Variants in ARB2A observed in about 807,000 individuals in gnomAD.
ARB2A encodes cotranscriptional regulator ARB2A.
the ARB2A span, among the ~76,000 whole-genome samples, chr5:93,634,910 G>T: frequency 6.6e-6 from 1 of 152,090 alleles, no homozygotes; most frequent in African/African-American, 2.4e-5. Flanking sequence ...GAGTAGCTGG[G>T]ATTACAGGTG....
the ARB2A span, among the ~76,000 whole-genome samples, chr5:93,638,777 C>T: frequency 6.6e-6 from 1 of 151,872 alleles, no homozygotes; most frequent in Non-Finnish European, 1.5e-5. Flanking sequence ...TGCGATGAGC[C>T]GAGATTGCAC....
At chr5:93,988,898 C>T in the ARB2A span, among the ~76,000 whole-genome samples, 2 of 152,138 alleles carry the variant, frequency 1.3e-5, no homozygotes, top group Admixed American at 1.3e-4. Context: ...TGGATTCAAA[C>T]CTAGGCAATC....
the ARB2A span, among the ~76,000 whole-genome samples, chr5:93,671,090 G>A: frequency 6.6e-6 from 1 of 151,984 alleles, no homozygotes; most frequent in African/African-American, 2.4e-5. Context: ...CATTAGTAAG[G>A]GAAGCATTAT....
chr5:93,901,146 C>T, the ARB2A span, among the ~76,000 whole-genome samples: 36 of 152,092 alleles, frequency 2.4e-4, no homozygotes, highest in African/African-American at 8.2e-4. Context: ...TTTAGAAATC[C>T]GCAACCACAT....
chr5:93,772,321 G>A, the ARB2A span, among the ~76,000 whole-genome samples: 31 of 152,212 alleles, frequency 2.0e-4, no homozygotes, highest in African/African-American at 5.3e-4. Flanking sequence ...TGGGTGGAGC[G>A]GGGAGGGATA....
chr5:93,994,497 G>T, the ARB2A span, among the ~76,000 whole-genome samples: 1 of 152,288 alleles, frequency 6.6e-6, no homozygotes, highest in East Asian at 1.9e-4. Flanking sequence ...AATGGTGGCT[G>T]CCAGGAGCTG....
chr5:93,723,436 A>G, the ARB2A span, among the ~76,000 whole-genome samples: 394 of 152,218 alleles, frequency 2.6e-3, 4 homozygotes, highest in African/African-American at 9.0e-3. Flanking sequence ...TCTGTTGTGC[A>G]CATGAGGAGC....
the ARB2A span, among the ~76,000 whole-genome samples, chr5:93,946,786 GTTT>G: frequency 6.6e-6 from 1 of 152,060 alleles, no homozygotes; most frequent in African/African-American, 2.4e-5. Context: ...ATGAATCACA[GTTT>G]TATTCTAATA....
At chr5:93,940,888 T>A in the ARB2A span, among the ~76,000 whole-genome samples, 2 of 152,062 alleles carry the variant, frequency 1.3e-5, no homozygotes, top group African/African-American at 4.8e-5. Flanking sequence ...TCAGTTCTTC[T>A]CAAATTAAAG....
At chr5:94,073,805 T>C in the ARB2A span, among the ~76,000 whole-genome samples, 5 of 152,106 alleles carry the variant, frequency 3.3e-5, no homozygotes, top group African/African-American at 9.7e-5. Context: ...TTCCTCTCTT[T>C]CCATTCTCTG....
chr5:93,988,961 T>G, the ARB2A span, among the ~76,000 whole-genome samples: 2 of 152,178 alleles, frequency 1.3e-5, no homozygotes, highest in Admixed American at 1.3e-4. Flanking sequence ...TTACTTTTCC[T>G]ATGTTACAAA....
the ARB2A span, among the ~76,000 whole-genome samples, chr5:93,621,358 T>A: frequency 4.6e-5 from 7 of 151,596 alleles, no homozygotes; most frequent in East Asian, 1.4e-3. Context: ...GGCTGCGGGG[T>A]CACTTGCCCC....
the ARB2A span, chr5:93,964,421 T>G: frequency 7.1e-7 from 1 of 1,399,142 alleles, no homozygotes; most frequent in South Asian, 1.3e-5. Context: ...AATAAACATT[T>G]CATTTGAAAT....
chr5:93,896,398 C>A, the ARB2A span, among the ~76,000 whole-genome samples: 1 of 152,012 alleles, frequency 6.6e-6, no homozygotes, highest in African/African-American at 2.4e-5. Flanking sequence ...ATTTCATGTA[C>A]AAAATTACTA....
At chr5:93,627,076 A>T in the ARB2A span, among the ~76,000 whole-genome samples, 1 of 152,200 alleles carries the variant, frequency 6.6e-6, no homozygotes, top group Non-Finnish European at 1.5e-5. Context: ...AAGAAACCAC[A>T]TTCTTTGCTC....
At chr5:94,096,494 T>A in the ARB2A span, among the ~76,000 whole-genome samples, 1 of 152,180 alleles carries the variant, frequency 6.6e-6, no homozygotes, top group Non-Finnish European at 1.5e-5. Context: ...ACTAGCTATA[T>A]CCCAAGTAGC....
At chr5:93,876,070 T>C in the ARB2A span, among the ~76,000 whole-genome samples, 1 of 152,232 alleles carries the variant, frequency 6.6e-6, no homozygotes, top group Non-Finnish European at 1.5e-5. Context: ...TCAGTTGAGA[T>C]ATTAAAATTC....
the ARB2A span, among the ~76,000 whole-genome samples, chr5:93,870,013 C>T: frequency 6.6e-6 from 1 of 152,240 alleles, no homozygotes; most frequent in Non-Finnish European, 1.5e-5. Context: ...AAAGCAGGCA[C>T]AGACATCTGG....
the ARB2A span, among the ~76,000 whole-genome samples, chr5:93,679,997 A>C: frequency 1.3e-5 from 2 of 152,048 alleles, no homozygotes; most frequent in Non-Finnish European, 2.9e-5. Context: ...CAAAGCTGAG[A>C]TCTCACAGAA....
Sources: gnomAD v4.1 joint callset for allele counts (sites outside exome capture counted in the v4.1 genomes callset) on GRCh38, gnomAD v4.1.1 for gene constraint, MANE v1.5 for transcripts, NCBI Gene and HGNC (gene_info 2026-07-23, HGNC 2026-07-21) for gene names.